HORMAD2: variants seen among roughly 807,000 people sequenced by gnomAD.
HORMAD2 encodes the protein HORMA domain containing 2.
In HORMAD2, 45 loss-of-function variants were observed where a neutral mutation model predicts 38.8. The observed-to-expected ratio is 1.16, with a 90% confidence interval of 0.91 to 1.49. The LOEUF (loss-of-function observed/expected upper bound fraction) is 1.49, where lower values mean the gene tolerates loss of function less well. Among genes scored for constraint, HORMAD2 ranks in the 40% most tolerant of loss-of-function variants. The pLI, the probability that HORMAD2 is intolerant of heterozygous loss-of-function variation, is 0.00. For synonymous variants in HORMAD2, 126 were observed against 122.8 expected (o/e 1.03, Z -0.17); for missense variants, 338 against 367.0 (o/e 0.92, Z 0.65).
chr22:30,204,900 G>A, the HORMAD2 span, among the ~76,000 whole-genome samples: 8 of 152,292 alleles, frequency 5.3e-5, no homozygotes, highest in South Asian at 2.1e-4. Flanking sequence ...CTCTTGGCAC[G>A]AGCTCTGAGA....
chr22:30,108,519 T>C (rs1349288118), intron 5 of HORMAD2, among the ~76,000 whole-genome samples: 1 of 152,072 alleles, frequency 6.6e-6, no homozygotes, highest in Non-Finnish European at 1.5e-5. Flanking sequence ...TAACTCCAAT[T>C]TATCTGTCAA....
At chr22:30,130,695 A>G (rs1740758282) in intron 10 of HORMAD2, among the ~76,000 whole-genome samples, 1 of 144,100 alleles carries the variant, frequency 6.9e-6, no homozygotes, top group Admixed American at 7.4e-5. Context: ...GGATCAAGCC[A>G]TTCTTCTACC....
intron 10 of HORMAD2, among the ~76,000 whole-genome samples, chr22:30,136,122 C>A (rs1923634408): frequency 6.6e-6 from 1 of 152,116 alleles, no homozygotes; most frequent in Admixed American, 6.5e-5. Context: ...AGTATGGAAA[C>A]AATTAGGTGT....
At chr22:30,115,970 T>C (rs916774313) in intron 7 of HORMAD2, among the ~76,000 whole-genome samples, 1 of 152,212 alleles carries the variant, frequency 6.6e-6, no homozygotes, top group Admixed American at 6.5e-5. Context: ...ATCACAGGCA[T>C]TGGCGTCAAA....
At chr22:30,081,221 A>T (rs1448731935) in intron 1 of HORMAD2, 3 of 152,210 alleles carry the variant, frequency 2.0e-5, no homozygotes, top group African/African-American at 7.2e-5. Context: ...CAGGATCATA[A>T]TCTAATTTCT....
intron 10 of HORMAD2, among the ~76,000 whole-genome samples, chr22:30,123,989 T>G (rs1415657564): frequency 6.6e-6 from 1 of 151,644 alleles, no homozygotes; most frequent in East Asian, 1.9e-4. Flanking sequence ...AGAATTTCTT[T>G]CTTTTTTTTT....
the HORMAD2 span, among the ~76,000 whole-genome samples, chr22:30,196,853 C>T: frequency 0.11 from 16,106 of 152,228 alleles, 948 homozygotes; most frequent in South Asian, 0.16. Context: ...TGCTCACCCT[C>T]TCATTGCATC....
chr22:30,162,259 G>A (rs1601589595), intron 10 of HORMAD2, among the ~76,000 whole-genome samples: 1 of 152,146 alleles, frequency 6.6e-6, no homozygotes, highest in Non-Finnish European at 1.5e-5. Flanking sequence ...GTTGCAGTAA[G>A]CCATGGATGG....
At chr22:30,156,858 G>A (rs1287030545) in intron 10 of HORMAD2, among the ~76,000 whole-genome samples, 1 of 152,084 alleles carries the variant, frequency 6.6e-6, no homozygotes, top group Non-Finnish European at 1.5e-5. Context: ...AACTTTCCCA[G>A]GACAAAAATA....
the HORMAD2 span, among the ~76,000 whole-genome samples, chr22:30,193,788 C>A: frequency 2.0e-5 from 3 of 152,208 alleles, no homozygotes; most frequent in Non-Finnish European, 2.9e-5. Context: ...CCCAGCTTCC[C>A]TTGCAGTTGA....
chr22:30,119,386 G>A (rs7285127), intron 8 of HORMAD2, among the ~76,000 whole-genome samples: 25 of 152,214 alleles, frequency 1.6e-4, no homozygotes, highest in African/African-American at 5.1e-4. Context: ...TTTCCACCTC[G>A]ATATAGCCAG....
the HORMAD2 span, among the ~76,000 whole-genome samples, chr22:30,193,808 T>A: frequency 9.3e-3 from 1,417 of 152,284 alleles, 28 homozygotes; most frequent in African/African-American, 0.033. Context: ...AACATGGCCA[T>A]GGGACTGAGT....
chr22:30,128,892 C>T (rs1370401120), intron 10 of HORMAD2, among the ~76,000 whole-genome samples: 1 of 152,144 alleles, frequency 6.6e-6, no homozygotes, highest in African/African-American at 2.4e-5. Context: ...CTAAGATTGT[C>T]TGGGATATTT....
chr22:30,092,737 A>T (rs139579523), intron 1 of HORMAD2, among the ~76,000 whole-genome samples: 400 of 152,130 alleles, frequency 2.6e-3, no homozygotes, highest in African/African-American at 9.0e-3. Context: ...CCATTTTTTG[A>T]CAAGGGTATC....
At chr22:30,081,033 T>G (rs1168341189) in intron 1 of HORMAD2, 1 of 152,430 alleles carries the variant, frequency 6.6e-6, no homozygotes, top group Non-Finnish European at 1.5e-5. Context: ...ATTTGCCAAT[T>G]AATCCCTATG....
chr22:30,112,725 G>A (rs1921758075), intron 7 of HORMAD2, among the ~76,000 whole-genome samples: 1 of 151,888 alleles, frequency 6.6e-6, no homozygotes. Flanking sequence ...GGGTATTGGG[G>A]AAAAAAGGCA....
chr22:30,122,863 G>C (rs1436050696), intron 10 of HORMAD2, among the ~76,000 whole-genome samples: 1 of 152,162 alleles, frequency 6.6e-6, no homozygotes, highest in African/African-American at 2.4e-5. Context: ...TTAACTGGTG[G>C]TTGTCTGGAT....
intron 10 of HORMAD2, among the ~76,000 whole-genome samples, chr22:30,170,906 G>A (rs1217756816): frequency 6.6e-6 from 1 of 152,136 alleles, no homozygotes; most frequent in Non-Finnish European, 1.5e-5. Flanking sequence ...AACCCCATGT[G>A]GTGAAATCAA....
intron 10 of HORMAD2, among the ~76,000 whole-genome samples, chr22:30,135,665 C>T (rs149525102): frequency 1.3e-5 from 2 of 152,096 alleles, no homozygotes; most frequent in Non-Finnish European, 2.9e-5. Context: ...ACATAATTAC[C>T]AGTCAAATGG....
Sources: gnomAD v4.1 joint callset for allele counts (sites outside exome capture counted in the v4.1 genomes callset) on GRCh38, gnomAD v4.1.1 for gene constraint, MANE v1.5 for transcripts, NCBI Gene and HGNC (gene_info 2026-07-23, HGNC 2026-07-21) for gene names.